Variants in TRAPPC8 observed in about 807,000 individuals in gnomAD.
The protein encoded by TRAPPC8 is general sporulation gene 1 homolog.
Under a neutral mutation model 174.3 loss-of-function variants are expected in TRAPPC8, and 54 were observed. The observed-to-expected ratio is 0.31, with a 90% confidence interval of 0.25 to 0.39. The LOEUF is 0.39. TRAPPC8 is among the 10% of genes least tolerant of loss of function. The pLI, the probability that TRAPPC8 is intolerant of heterozygous loss-of-function variation, is 1.00. For synonymous variants in TRAPPC8, 630 were observed against 579.9 expected, an observed-to-expected ratio of 1.09 and a Z score of -1.24; for missense variants, 1,531 against 1,699.1, an observed-to-expected ratio of 0.90 and a Z score of 1.74.
chr18:31,906,051 A>G (rs1298473036), intron 9 of TRAPPC8, among the ~76,000 whole-genome samples: 1 of 152,046 alleles, frequency 6.6e-6, no homozygotes, highest in Non-Finnish European at 1.5e-5. Context: ...TGAACATAGC[A>G]TATTTTCCAT....
chr18:31,832,198 A>G, intron 27 of TRAPPC8, 25 bp from the exon 28 acceptor site: 1 of 1,421,686 alleles, frequency 7.0e-7, no homozygotes, highest in South Asian at 1.6e-5. Context: ...TAAACAAAAA[A>G]GTTATATATT....
At chr18:31,921,095 T>C (rs1419837122) in intron 2 of TRAPPC8, among the ~76,000 whole-genome samples, 1 of 151,930 alleles carries the variant, frequency 6.6e-6, no homozygotes, top group African/African-American at 2.4e-5. Context: ...AATCTCTACA[T>C]ATTACAATGA....
chr18:31,921,664 G>A (rs2037394602), intron 2 of TRAPPC8, among the ~76,000 whole-genome samples: 1 of 151,174 alleles, frequency 6.6e-6, no homozygotes. Flanking sequence ...GATTTGGTCA[G>A]AAAAGCCTCT....
intron 2 of TRAPPC8, among the ~76,000 whole-genome samples, chr18:31,928,833 T>C (rs2037734005): frequency 6.6e-6 from 1 of 152,176 alleles, no homozygotes; most frequent in Non-Finnish European, 1.5e-5. Context: ...AACAAACTTG[T>C]TAAGATCCTG....
At chr18:31,854,044 T>A (rs901748120) in intron 21 of TRAPPC8, 99 bp from the exon 22 acceptor site, 3 of 866,246 alleles carry the variant, frequency 3.5e-6, no homozygotes, top group Non-Finnish European at 5.4e-6. Context: ...AAAGTCAATG[T>A]CAATTAACAT....
At chr18:31,867,260 A>C in intron 17 of TRAPPC8, 142 bp downstream of exon 17, 1 of 713,554 alleles carries the variant, frequency 1.4e-6, no homozygotes, top group East Asian at 2.7e-5. Flanking sequence ...TTTCCTCCTG[A>C]GCAATTCCTA....
chr18:31,912,181 T>C (rs2036940858), intron 5 of TRAPPC8, among the ~76,000 whole-genome samples: 2 of 152,028 alleles, frequency 1.3e-5, no homozygotes, highest in African/African-American at 4.8e-5. Flanking sequence ...AAGGTGGCTA[T>C]AAAAGCATGT....
At position 31,852,441 on chromosome 18, in the gene TRAPPC8, C is replaced by T; in HGVS notation, c.3561+5G>A. 1.2e-6 allele frequency: 2 copies of T among 1,614,004 alleles called. No homozygotes were observed. Among genetic ancestry groups the T allele is most frequent in the Non-Finnish European group, 8.5e-7 (1 of 1,179,990 alleles). ...CATCAAACACTACTATGCTTACTTG[C>T]ATACCTGTTCATTTCCAAAGATGAT... On this transcript the variant is annotated splice_donor_5th_base_variant and intron_variant, in intron 24 of 28. Transcript: ENST00000283351.
At chr18:31,896,430 C>T (rs1351091879) in intron 11 of TRAPPC8, 3 of 151,792 alleles carry the variant, frequency 2.0e-5, no homozygotes, top group Admixed American at 2.0e-4. Flanking sequence ...TCCCCACCCC[C>T]ACCTCCATTC....
In TRAPPC8 at chr18:31,897,830, T is replaced by C. The variant is rs757691386; in HGVS notation, c.1552A>G (p.Lys518Glu). 2.5e-6 allele frequency: 4 copies of C among 1,611,748 alleles called. No individual in the cohort carries two copies. The highest frequency in any genetic ancestry group is 3.4e-6 in the Non-Finnish European group (4 of 1,178,528). The change falls in exon 11 of 29, where the codon AAA becomes GAA. Residue 518 changes from lysine to glutamate, a missense_variant. By Grantham distance (56) the Lys-to-Glu change is moderately conservative. Transcript: ENST00000283351. ...LSAELLKSQS[K>E]YSEAAALLIR... is the part of the protein sequence containing the mutation. The stretch of plus-strand genomic sequence containing the variant: ...AGGAGAGCTGCAGCCTCTGAATATT[T>C]GCTTTGGCTTTTTAAAAGTTCAGCA...
intron 9 of TRAPPC8, among the ~76,000 whole-genome samples, chr18:31,902,859 C>G (rs915295599): frequency 6.6e-6 from 1 of 152,002 alleles, no homozygotes; most frequent in Non-Finnish European, 1.5e-5. Context: ...ACCATCCTGG[C>G]TAACACAGTG....
intron 11 of TRAPPC8, among the ~76,000 whole-genome samples, chr18:31,892,043 A>C (rs1390313733): frequency 6.6e-6 from 1 of 152,184 alleles, no homozygotes; most frequent in Non-Finnish European, 1.5e-5. Flanking sequence ...GTTCTTAAAA[A>C]CGGGTTTGTG....
chr18:31,847,791 T>C (rs1298524481), intron 25 of TRAPPC8, among the ~76,000 whole-genome samples: 1 of 152,174 alleles, frequency 6.6e-6, no homozygotes, highest in African/African-American at 2.4e-5. Flanking sequence ...GATGATGTTA[T>C]GGCATTGAGC....
At chr18:31,928,190 A>G (rs941556571) in intron 2 of TRAPPC8, among the ~76,000 whole-genome samples, 1 of 151,420 alleles carries the variant, frequency 6.6e-6, no homozygotes, top group Non-Finnish European at 1.5e-5. Flanking sequence ...AAATAAAATT[A>G]AAATTAAATA....
At position 31,830,862 on chromosome 18, in the gene TRAPPC8, T is replaced by C; in HGVS notation, c.4201A>G (p.Asn1401Asp). 1 of 1,614,216 alleles carries C rather than the reference T, an allele frequency of 6.2e-7. No individual in the cohort carries two copies. The highest frequency in any genetic ancestry group is 8.5e-7 in the Non-Finnish European group (1 of 1,180,040). Residue 1401 changes from asparagine (N) to aspartate (D), a missense_variant, in exon 29 of 29, where the codon AAC becomes GAC. Asn to Asp is a conservative substitution (Grantham distance 23). Transcript: ENST00000283351. ...GCAAATACCCTAGGAGTTCCAAGGT[T>C]ATAAACACCTGTATGAACAAAGCAT... ...KACFVHTGVYNLGTPRVFAKL... is the reference protein window; with the variant it reads ...KACFVHTGVYDLGTPRVFAKL...
intron 3 of TRAPPC8, 30 bp downstream of exon 3, chr18:31,917,548 T>C (rs941219524): frequency 1.9e-5 from 30 of 1,571,958 alleles, no homozygotes; most frequent in Non-Finnish European, 2.4e-5. Context: ...TAATATTTGA[T>C]TTGAGGAGAA....
In TRAPPC8 at chr18:31,846,019, C is replaced by A. The variant is rs78736206; in HGVS notation, c.3837+697G>T. On this transcript the variant is annotated intron_variant, in intron 26 of 28. Transcript: ENST00000283351. Reference sequence around the variant, plus strand: ...GCCACCTTTTACATATTACAATATACCCTCGGAGCTCTGCAATGATATCCT... The same window carrying A: ...GCCACCTTTTACATATTACAATATAACCTCGGAGCTCTGCAATGATATCCT... Among the ~76,000 whole-genome samples the A allele has an allele frequency of 4.5e-3, 692 of 152,202 alleles. 4 individuals carry two copies. Among genetic ancestry groups the A allele is most frequent in the African/African-American group, 0.016 (664 of 41,554 alleles).
chr18:31,932,277 A>C (rs1248413000), intron 1 of TRAPPC8, among the ~76,000 whole-genome samples: 1 of 152,064 alleles, frequency 6.6e-6, no homozygotes, highest in East Asian at 1.9e-4. Flanking sequence ...AATACAAAAA[A>C]TTAGCTGGGT....
intron 16 of TRAPPC8, among the ~76,000 whole-genome samples, chr18:31,869,450 T>C (rs768966048): frequency 3.9e-5 from 6 of 152,204 alleles, no homozygotes; most frequent in Non-Finnish European, 4.4e-5. Flanking sequence ...AAGAAGCTCA[T>C]TGGTATGAAC....
Sources: allele counts gnomAD v4.1 joint callset (sites outside exome capture counted in the v4.1 genomes callset), GRCh38; gene constraint gnomAD v4.1.1; transcripts MANE v1.5; gene names NCBI Gene and HGNC (gene_info 2026-07-23, HGNC 2026-07-21).